Variants in SLC19A1 observed in about 807,000 individuals in gnomAD.
SLC19A1 encodes the protein solute carrier family 19 member 1, also known as reduced folate transporter.
Under a neutral mutation model 35.3 loss-of-function variants are expected in SLC19A1, and 37 were observed. The observed-to-expected ratio is 1.05, with a 90% CI of 0.81 to 1.38. SLC19A1 has a LOEUF of 1.38. Ranked by LOEUF, SLC19A1 falls within the 40% of genes most tolerant of loss-of-function variation. The probability of loss-of-function intolerance (pLI) is 0.00; values close to 1 mark genes in which losing one functional copy is unlikely to be tolerated. For missense variants in SLC19A1, 831 were observed against 826.9 expected (o/e 1.00, Z -0.06); for synonymous variants, 460 against 398.5 (o/e 1.15, Z -1.84).
At chr21:45,551,416 A>G (rs1459258523) in intron 1 of SLC19A1, among the ~76,000 whole-genome samples, 2 of 152,166 alleles carry the variant, frequency 1.3e-5, no homozygotes, top group African/African-American at 2.4e-5. Context: ...GGAATAATAA[A>G]CCATTTAATA....
chr21:45,553,348 G>A (rs2078486421), intron 1 of SLC19A1, among the ~76,000 whole-genome samples: 1 of 151,860 alleles, frequency 6.6e-6, no homozygotes, highest in African/African-American at 2.4e-5. Flanking sequence ...GCCCATGAGG[G>A]TCCCCGGGAT....
rs2037839624 is a variant in SLC19A1 at position 45,515,262 on chromosome 21, C to T, written c.*396G>A. 6.7e-7 allele frequency: 1 copy of T among 1,493,320 alleles called. No individual in the cohort carries two copies. The highest frequency in any genetic ancestry group is 8.8e-7 in the Non-Finnish European group (1 of 1,135,164). 92.5% of individuals were successfully genotyped at this position (1,493,320 alleles called of 1,614,324 possible). ...CTGAGGGTCCCGGCTCCCACCCTGC[C>T]CTAGAGGGCTCACAACTCCTGTGGG... On this transcript the variant is annotated 3_prime_UTR_variant, in exon 6 of 6. Coordinates refer to ENST00000311124, the MANE Select transcript of SLC19A1 (RefSeq NM_194255.4).
At position 45,552,616 on chromosome 21, in the gene SLC19A1, C is replaced by T. The variant is rs201880371; in HGVS notation, c.-50+10126G>A. ...GTCACCAGCAGAGCAGACAGCCTCT[C>T]GCCCAGAACAGGGCACCCGGGACAG... On this transcript the variant is annotated intron_variant, in intron 1 of 5. Transcript: ENST00000650808. Among the ~76,000 whole-genome samples, 19 of 152,240 alleles carry T rather than the reference C, an allele frequency of 1.2e-4. No homozygotes were observed. In the East Asian group the frequency reaches 3.1e-3, roughly 25 times the overall value.
intron 3 of SLC19A1, chr21:45,505,708 C>T (rs1379545324): frequency 2.3e-5 from 18 of 776,850 alleles, no homozygotes; most frequent in Non-Finnish European, 3.9e-5. Flanking sequence ...ATGGGGGCAG[C>T]CGCCTCAGTC....
downstream of SLC19A1, chr21:45,511,214 G>T: frequency 6.3e-7 from 1 of 1,579,432 alleles, no homozygotes; most frequent in Non-Finnish European, 8.6e-7. Flanking sequence ...GACGTCCTGA[G>T]GCACCCCACC....
At chr21:45,512,487 C>T (rs1352358100), downstream of SLC19A1, 2 of 1,253,950 alleles carry the variant, frequency 1.6e-6, no homozygotes, top group East Asian at 4.9e-5. Flanking sequence ...AGCCCCTGGC[C>T]CCAGGACCTG....
At chr21:45,504,421 G>A (rs2037057357) in intron 3 of SLC19A1, 3 of 1,611,562 alleles carry the variant, frequency 1.9e-6, no homozygotes, top group Non-Finnish European at 2.5e-6. Flanking sequence ...CACAGGGGGA[G>A]AAGGGAGACC....
At chr21:45,526,865 C>A (rs2082126338) in intron 4 of SLC19A1, among the ~76,000 whole-genome samples, 2 of 152,224 alleles carry the variant, frequency 1.3e-5, no homozygotes, top group African/African-American at 2.4e-5. Context: ...AGCCACTGCG[C>A]CCAGCTGAAT....
chr21:45,552,968 C>T (rs2078481612), intron 1 of SLC19A1, among the ~76,000 whole-genome samples: 1 of 152,058 alleles, frequency 6.6e-6, no homozygotes, highest in African/African-American at 2.4e-5. Context: ...CCGTGGCGCC[C>T]CCCATGTGCT....
In SLC19A1 at chr21:45,537,778, C is replaced by CGA. The variant is rs773493715; in HGVS notation, c.181_182insTC (p.Arg61LeufsTer144). The CGA allele has an allele frequency of 6.0e-6, 9 of 1,500,120 alleles. No homozygotes were observed. Among genetic ancestry groups the CGA allele is most frequent in the Non-Finnish European group, 8.0e-6 (9 of 1,119,928 alleles). The allele number at this position is 1,500,120 out of a possible 1,614,324, so 92.9% of individuals were successfully genotyped here. The stretch of plus-strand genomic sequence containing the variant: ...ACCCCGGCACCCACATGCCTGCTCC[C>CGA]GCGTGAAGTTCTTGTCGGGCCCCAG... On this transcript the variant is annotated frameshift_variant, in exon 2 of 6. Transcript: ENST00000311124. LOFTEE classifies it high-confidence loss of function.
At chr21:45,512,481 C>G, downstream of SLC19A1, 2 of 1,364,986 alleles carry the variant, frequency 1.5e-6, no homozygotes, top group Non-Finnish European at 2.0e-6. Flanking sequence ...CCGGCCAGCC[C>G]CTGGCCCCAG....
rs554548104 is a variant in SLC19A1, at chr21:45,503,899, G to T, written c.498-5287C>A. 5 of 1,097,038 alleles carry T rather than the reference G, an allele frequency of 4.6e-6. No homozygotes were observed. In the Admixed American group the frequency reaches 8.8e-5, roughly 19 times the overall value. The allele number at this position is 1,097,038 out of a possible 1,614,324, so 68.0% of individuals were successfully genotyped here. A position where few individuals can be genotyped will look rare whatever the true frequency, so the allele number is the denominator to read the frequency against. On this transcript the variant is annotated intron_variant, in intron 3 of 4. Coordinates refer to the SLC19A1 transcript ENST00000417954. Reference sequence around the variant, plus strand: ...CCTAATTAAATACGCGATCTCTACCGCGAAATGGCTAGAAGGGCCTCAGGC... The same window carrying T: ...CCTAATTAAATACGCGATCTCTACCTCGAAATGGCTAGAAGGGCCTCAGGC...
At chr21:45,537,719 T>TGGGGGGGGGCCCCCCCCCCCCC in intron 2 of SLC19A1, 52 bp downstream of exon 2, 2 of 319,776 alleles carry the variant, frequency 6.3e-6, no homozygotes, top group Non-Finnish European at 1.1e-5. Context: ...CAGACGCTGC[T>TGGGGGGGGGCCCCCCCCCCCCC]CCCCGCCCAC....
At chr21:45,502,745 C>T (rs2036931805) in intron 3 of SLC19A1, 1 of 152,130 alleles carries the variant, frequency 6.6e-6, no homozygotes, top group Non-Finnish European at 1.5e-5. Flanking sequence ...GGTGGAGGGA[C>T]CCTCAAGTCA....
upstream of SLC19A1, among the ~76,000 whole-genome samples, chr21:45,545,463 C>T (rs544840851): frequency 1.1e-3 from 166 of 152,104 alleles, no homozygotes; most frequent in Admixed American, 2.3e-3. Flanking sequence ...CCTGAGGCCT[C>T]ACCAGGAGCA....
intron 1 of SLC19A1, among the ~76,000 whole-genome samples, chr21:45,552,098 C>T (rs923613690): frequency 3.3e-5 from 5 of 152,144 alleles, no homozygotes; most frequent in African/African-American, 7.2e-5. Context: ...CCCACTGTCT[C>T]GCCGCTCCAT....
At chr21:45,505,284 T>G (rs1167586883) in intron 3 of SLC19A1, 2 of 1,607,246 alleles carry the variant, frequency 1.2e-6, no homozygotes, top group African/African-American at 2.7e-5. Context: ...GCAGAGTAAG[T>G]CAGTGGGGAG....
At position 45,531,527 on chromosome 21, in the gene SLC19A1, A is replaced by ACCACAGGCGCAGCTGCGGCCG. The variant is rs1299064599; in HGVS notation, c.790_810dup (p.Arg264_Trp270dup). 1 of 1,612,480 alleles carries ACCACAGGCGCAGCTGCGGCCG rather than the reference A, an allele frequency of 6.2e-7. No homozygotes were observed. Among genetic ancestry groups the ACCACAGGCGCAGCTGCGGCCG allele is most frequent in the Non-Finnish European group, 8.5e-7 (1 of 1,179,754 alleles). ...GCCGAGTTGAAGACCCACCAGAGGG[A>ACCACAGGCGCAGCTGCGGCCG]CCACAGGCGCAGCTGCGGCCGCCGC... On this transcript the variant is annotated inframe_insertion, in exon 3 of 6. Coordinates refer to ENST00000311124, the MANE Select transcript of SLC19A1 (RefSeq NM_194255.4).
chr21:45,550,349 G>GC (rs1490377535), intron 1 of SLC19A1, among the ~76,000 whole-genome samples: 12 of 152,222 alleles, frequency 7.9e-5, no homozygotes, highest in Non-Finnish European at 1.5e-5. Context: ...GACACCTCAG[G>GC]CCCTCGTATG....
Sources: gnomAD v4.1 joint callset for allele counts (sites outside exome capture counted in the v4.1 genomes callset) on GRCh38, gnomAD v4.1.1 for gene constraint, MANE v1.5 for transcripts, NCBI Gene and HGNC (gene_info 2026-07-23, HGNC 2026-07-21) for gene names.